Variants in SH3BP5 observed in about 807,000 individuals in gnomAD.
The protein encoded by SH3BP5 is SH3 domain binding protein 5.
In SH3BP5, 22 loss-of-function variants were observed where a neutral mutation model predicts 43.3. The ratio of observed to expected loss-of-function variants is 0.51; its 90% confidence interval spans 0.36 to 0.73. The LOEUF (loss-of-function observed/expected upper bound fraction) is 0.73. Ranked by LOEUF, SH3BP5 falls within the 30% of genes least tolerant of loss-of-function variation. SH3BP5 has a pLI of 0.00. For synonymous variants in SH3BP5, 255 were observed against 225.8 expected (o/e 1.13, Z -1.16); for missense variants, 529 against 586.9 (o/e 0.90, Z 1.02).
At position 15,293,118 on chromosome 3, in the gene SH3BP5, C is replaced by A. The variant is rs191826228; in HGVS notation, c.330+10985G>T. ...CCAAGACTGTCAGGCAGGATGTGAT[C>A]TTTCAGGCGAAGGAGAGTTAAGAGT... is the stretch of plus-strand genomic sequence containing the variant. On this transcript the variant is annotated intron_variant, in intron 3 of 8. Coordinates refer to ENST00000383791, the MANE Select transcript of SH3BP5 (RefSeq NM_004844.5). 1.0e-3 allele frequency among the ~76,000 whole-genome samples: 157 copies of A among 152,376 alleles called. 1 individual carries two copies. In the East Asian group the frequency reaches 0.02, roughly 20 times the overall value.
chr3:15,296,646 C>A (rs1697580704), intron 3 of SH3BP5, among the ~76,000 whole-genome samples: 1 of 151,446 alleles, frequency 6.6e-6, no homozygotes, highest in South Asian at 2.1e-4. Flanking sequence ...TTATATCCTA[C>A]CTTTGCAGAA....
chr3:15,321,868 T>C (rs541146193), intron 2 of SH3BP5, among the ~76,000 whole-genome samples: 1 of 151,796 alleles, frequency 6.6e-6, no homozygotes, highest in African/African-American at 2.4e-5. Flanking sequence ...TACTTCACCA[T>C]AACTGGTAAC....
intron 2 of SH3BP5, among the ~76,000 whole-genome samples, chr3:15,325,799 C>A (rs370153508): frequency 1.2e-4 from 19 of 152,300 alleles, no homozygotes; most frequent in African/African-American, 3.6e-4. Flanking sequence ...GGAGGCAGAT[C>A]GCTCTCAGCT....
chr3:15,331,551 T>C (rs1698609484), intron 1 of SH3BP5, among the ~76,000 whole-genome samples: 1 of 152,194 alleles, frequency 6.6e-6, no homozygotes, highest in Admixed American at 6.5e-5. Context: ...TGTTTTTTAA[T>C]CATCTCTCTT....
In SH3BP5 at chr3:15,269,699, G is replaced by C; in HGVS notation, c.495+14C>G. ...CGCGCACACCCCCACAGCACACCCG[G>C]CCATGACTCATACCCTCTGAGTGGC... On this transcript the variant is annotated intron_variant, in intron 4 of 8. Coordinates refer to ENST00000383791, the MANE Select transcript of SH3BP5 (RefSeq NM_004844.5). The C allele has an allele frequency of 6.4e-7, 1 of 1,564,000 alleles. No homozygotes were observed. Among genetic ancestry groups the C allele is most frequent in the Non-Finnish European group, 8.7e-7 (1 of 1,150,070 alleles).
At chr3:15,294,410 T>G (rs942043140) in intron 3 of SH3BP5, among the ~76,000 whole-genome samples, 3 of 151,714 alleles carry the variant, frequency 2.0e-5, no homozygotes, top group Admixed American at 6.6e-5. Context: ...GTGTTGAAAT[T>G]ACTCTTCTTC....
intron 2 of SH3BP5, among the ~76,000 whole-genome samples, chr3:15,328,655 G>A (rs1168069989): frequency 2.0e-5 from 3 of 152,118 alleles, no homozygotes; most frequent in African/African-American, 7.2e-5. Flanking sequence ...CAGGAGGGTT[G>A]CCTGAACCCA....
chr3:15,305,105 A>T (rs1428697537), intron 2 of SH3BP5, among the ~76,000 whole-genome samples: 4 of 150,844 alleles, frequency 2.7e-5, no homozygotes, highest in Non-Finnish European at 5.9e-5. Flanking sequence ...TGACAGAGTG[A>T]GACACTGTCT....
At chr3:15,265,795 A>G (rs1696625625) in intron 4 of SH3BP5, among the ~76,000 whole-genome samples, 1 of 152,032 alleles carries the variant, frequency 6.6e-6, no homozygotes, top group Admixed American at 6.5e-5. Context: ...ACTCCGGAGC[A>G]GCATACTCCG....
At chr3:15,340,162 A>G (rs908479239) in intron 1 of SH3BP5, among the ~76,000 whole-genome samples, 1 of 152,206 alleles carries the variant, frequency 6.6e-6, no homozygotes, top group Non-Finnish European at 1.5e-5. Context: ...ATAGACAAAG[A>G]TAAATGGTAC....
At chr3:15,322,912 T>C (rs1179117149) in intron 2 of SH3BP5, among the ~76,000 whole-genome samples, 1 of 151,858 alleles carries the variant, frequency 6.6e-6, no homozygotes, top group Middle Eastern at 3.2e-3. Flanking sequence ...GAGGCTGCAG[T>C]AGGCGAATCA....
chr3:15,268,420 C>G (rs1488705232), intron 4 of SH3BP5, among the ~76,000 whole-genome samples: 1 of 152,166 alleles, frequency 6.6e-6, no homozygotes, highest in African/African-American at 2.4e-5. Context: ...GTACCCGCGC[C>G]GTCCAGGGTC....
intron 3 of SH3BP5, chr3:15,275,747 G>C (rs977357498): frequency 6.6e-6 from 1 of 152,178 alleles, no homozygotes; most frequent in Non-Finnish European, 1.5e-5. Context: ...TATGGGCTGG[G>C]CGCAGTAACA....
Position 15,256,160 on chromosome 3 carries a change from T to C in SH3BP5, c.1294A>G (p.Lys432Glu), listed in dbSNP as rs1442508641. 6.2e-7 allele frequency: 1 copy of C among 1,614,076 alleles called. No individual in the cohort carries two copies. ...TTTGAGCACTGTAGGGAGAGCTGCTTCATCCGGTTCTCCAAGGCCTGGCCC... is the reference window on the plus strand; with the variant it reads ...TTTGAGCACTGTAGGGAGAGCTGCTCCATCCGGTTCTCCAAGGCCTGGCCC... ...PEGQALENRM[K>E]QLSLQCSKGR... Residue 432 changes from lysine (K) to glutamate (E), a missense_variant, in exon 9 of 9, where the codon AAG becomes GAG. By Grantham distance (56) the Lys-to-Glu change is moderately conservative. Around this residue, in one of 3 missense-constraint regions of SH3BP5, gnomAD observed 369 missense variants for 384.3 expected, o/e 0.96. Transcript: ENST00000383791.
chr3:15,326,466 C>T (rs1228580390), intron 2 of SH3BP5, among the ~76,000 whole-genome samples: 6 of 152,182 alleles, frequency 3.9e-5, no homozygotes, highest in Non-Finnish European at 4.4e-5. Context: ...GTGCCGAACG[C>T]CCCAGATCGC....
At chr3:15,326,769 T>C (rs1364461891) in intron 2 of SH3BP5, among the ~76,000 whole-genome samples, 1 of 147,970 alleles carries the variant, frequency 6.8e-6, no homozygotes, top group African/African-American at 2.4e-5. Flanking sequence ...TTGGTGATTT[T>C]GCTGTTAAAA....
chr3:15,304,792 G>A (rs1697851982), intron 2 of SH3BP5, among the ~76,000 whole-genome samples: 2 of 147,406 alleles, frequency 1.4e-5, no homozygotes, highest in South Asian at 4.4e-4. Flanking sequence ...TCCAGCCTGG[G>A]TGACAGAGCA....
In SH3BP5 at chr3:15,312,846, G is replaced by A. The variant is rs566037350; in HGVS notation, c.202-8615C>T. The stretch of plus-strand genomic sequence containing the variant: ...AAGTCATAAGTTGTACCCTGACAAG[G>A]TGGGCACTTCCTATATATATATTAT... On this transcript the variant is annotated intron_variant, in intron 2 of 8. Transcript: ENST00000383791. 1.1e-3 allele frequency among the ~76,000 whole-genome samples: 162 copies of A among 152,212 alleles called. 1 individual carries two copies. The highest frequency in any genetic ancestry group is 3.6e-3 in the African/African-American group (151 of 41,516).
chr3:15,281,632 C>T (rs1378944910), intron 3 of SH3BP5, among the ~76,000 whole-genome samples: 1 of 152,176 alleles, frequency 6.6e-6, no homozygotes, highest in Non-Finnish European at 1.5e-5. Context: ...TCCCCAAGTG[C>T]ATGGTTCCAC....
Sources: allele counts gnomAD v4.1 joint callset (sites outside exome capture counted in the v4.1 genomes callset), GRCh38; gene constraint gnomAD v4.1.1; regional missense constraint gnomAD v4.1.1; transcripts MANE v1.5; gene names NCBI Gene and HGNC (gene_info 2026-07-23, HGNC 2026-07-21).